GALNT2: variants seen among roughly 807,000 people sequenced by gnomAD.
GALNT2 encodes UDP-GalNAc:polypeptide N-acetylgalactosaminyltransferase 2.
GALNT2 carries 31 observed loss-of-function variants against 81.4 expected under a neutral mutation model. The observed-to-expected ratio is 0.38, with a 90% CI of 0.29 to 0.51. The LOEUF (loss-of-function observed/expected upper bound fraction) is 0.51, where lower values mean the gene tolerates loss of function less well. Ranked by LOEUF, GALNT2 falls within the 20% of genes least tolerant of loss-of-function variation. The pLI is 0.87. For missense variants in GALNT2, 629 were observed against 765.7 expected (o/e 0.82, Z 2.11); for synonymous variants, 303 against 287.4 (o/e 1.05, Z -0.55).
At chr1:230,175,343 A>G (rs1238751465) in intron 1 of GALNT2, among the ~76,000 whole-genome samples, 2 of 152,238 alleles carry the variant, frequency 1.3e-5, no homozygotes, top group Non-Finnish European at 2.9e-5. Context: ...CATAAACTCC[A>G]GCCCTGAGCT....
intron 1 of GALNT2, among the ~76,000 whole-genome samples, chr1:230,107,587 ATTCTC>A (rs1660577152): frequency 7.2e-6 from 1 of 138,694 alleles, no homozygotes; most frequent in African/African-American, 2.6e-5. Context: ...AAAAAAAAAA[ATTCTC>A]ATTTCTTCTC....
Position 230,279,435 on chromosome 1 carries a change from T to C in GALNT2, c.1693T>C (p.Phe565Leu). Residue 565 changes from phenylalanine (F) to leucine (L), a missense_variant, in exon 16 of 16, where the codon TTC (phenylalanine) becomes CTC (leucine). Physicochemically the swap from Phe to Leu is conservative, Grantham distance 22. Coordinates refer to ENST00000366672, the MANE Select transcript of GALNT2 (RefSeq NM_004481.5). The surrounding 1 kb of genome is among the most constrained non-coding windows in gnomAD (Gnocchi z 4.6). ...CCCGGCCCTTTCGCAGCAGTGGAAG[T>C]TCACGCTCAACCTGCAGCAGTAGGA... ...CGPALSQQWK[F>L]TLNLQQ 2.5e-6 allele frequency: 4 copies of C among 1,614,032 alleles called. No individual in the cohort carries two copies. The highest frequency in any genetic ancestry group is 3.4e-6 in the Non-Finnish European group (4 of 1,179,974).
intron 1 of GALNT2, among the ~76,000 whole-genome samples, chr1:230,109,148 G>A (rs541441212): frequency 2.6e-5 from 4 of 152,372 alleles, no homozygotes; most frequent in East Asian, 1.9e-4. Flanking sequence ...TCCCCTGGGC[G>A]TTGGAAGGCT....
At chr1:230,185,591 A>G (rs1473371741) in intron 2 of GALNT2, among the ~76,000 whole-genome samples, 1 of 152,116 alleles carries the variant, frequency 6.6e-6, no homozygotes, top group Non-Finnish European at 1.5e-5. Context: ...TGTTCCTCAG[A>G]TTGGACAGGC....
At position 230,262,938 on chromosome 1, in the gene GALNT2, G is replaced by C. The variant is rs1275099915; in HGVS notation, c.1246G>C (p.Glu416Gln). Residue 416 changes from glutamate to glutamine, a missense_variant, in exon 13 of 16, where the codon GAG becomes CAG. Coordinates refer to ENST00000366672, the MANE Select transcript of GALNT2 (RefSeq NM_004481.5). ...CTTCTCCAGTATTCAGAGCAGATTG[G>C]AGCTTAGGAAGAAACTCAGCTGCAA... is the stretch of plus-strand genomic sequence containing the variant. ...VPYGNIQSRLELRKKLSCKPF... is the reference protein window; with the variant it reads ...VPYGNIQSRLQLRKKLSCKPF... The C allele has an allele frequency of 6.2e-7, 1 of 1,614,034 alleles. No homozygotes were observed. Among genetic ancestry groups the C allele is most frequent in the Non-Finnish European group, 8.5e-7 (1 of 1,179,858 alleles).
intron 2 of GALNT2, among the ~76,000 whole-genome samples, chr1:230,197,764 G>GCATGCGTGCGTA (rs374085406): frequency 2.6e-5 from 4 of 152,092 alleles, no homozygotes; most frequent in Non-Finnish European, 5.9e-5. Flanking sequence ...GTGTGTGTGT[G>GCATGCGTGCGTA]CATGCGTGCG....
intron 1 of GALNT2, among the ~76,000 whole-genome samples, chr1:230,134,059 T>C (rs1661456213): frequency 6.6e-6 from 1 of 152,102 alleles, no homozygotes; most frequent in African/African-American, 2.4e-5. Context: ...ATTACTCTGA[T>C]ACTTGGTTGG....
chr1:230,265,216 AG>A, intron 13 of GALNT2, 24 bp from the exon 14 acceptor site: 1 of 1,614,090 alleles, frequency 6.2e-7, no homozygotes. Context: ...GCAGTGAAGC[AG>A]GTGATTCTCA....
intron 2 of GALNT2, among the ~76,000 whole-genome samples, chr1:230,185,614 T>G (rs949606988): frequency 1.3e-4 from 20 of 152,346 alleles, no homozygotes; most frequent in African/African-American, 3.6e-4. Context: ...TGATAAATGC[T>G]AGCAGTTTAG....
At chr1:230,236,804 C>A in intron 6 of GALNT2, 79 bp downstream of exon 6, 1 of 1,387,868 alleles carries the variant, frequency 7.2e-7, no homozygotes, top group Non-Finnish European at 9.9e-7. Flanking sequence ...TGCTTTAGCT[C>A]AAAGAGCAAT....
Position 230,276,018 on chromosome 1 carries a change from AC to A in GALNT2, c.1560+1455del, listed in dbSNP as rs1455690365. 2.2e-3 allele frequency among the ~76,000 whole-genome samples: 154 copies of A among 68,550 alleles called. 3 individuals are homozygous for A. The highest frequency in any genetic ancestry group is 5.2e-3 in the African/African-American group (57 of 10,888). The allele number at this position is 68,550 out of a possible 152,430, so 45.0% of individuals were successfully genotyped here. A position where few individuals can be genotyped will look rare whatever the true frequency, so the allele number is the denominator to read the frequency against. On this transcript the variant is annotated intron_variant, in intron 15 of 15. Coordinates refer to ENST00000366672, the MANE Select transcript of GALNT2 (RefSeq NM_004481.5). Reference sequence around the variant, plus strand: ...ATGCCACATATATATACGTATATATACATGCCACATATATATACGTATATAC... The same window carrying A: ...ATGCCACATATATATACGTATATATAATGCCACATATATATACGTATATAC...
In GALNT2 at chr1:230,279,413, G is replaced by A. The variant is rs751626544; in HGVS notation, c.1671G>A (p.Pro557=). The A allele has an allele frequency of 9.3e-6, 15 of 1,614,144 alleles. No individual in the cohort carries two copies. In the East Asian group the frequency reaches 2.5e-4, roughly 26 times the overall value. ...SGGLSVEVCG[P]ALSQQWKFTL... is the part of the protein sequence containing the mutation. ...GCCTAAGCGTGGAGGTGTGTGGCCC[G>A]GCCCTTTCGCAGCAGTGGAAGTTCA... Residue 557 remains proline (P), a synonymous_variant, in exon 16 of 16, where the codon CCG becomes CCA. Transcript: ENST00000366672. The surrounding 1 kb of genome is among the most constrained non-coding windows in gnomAD (Gnocchi z 4.6).
At chr1:230,088,094 C>G (rs1370530093) in intron 1 of GALNT2, among the ~76,000 whole-genome samples, 1 of 151,894 alleles carries the variant, frequency 6.6e-6, no homozygotes, top group East Asian at 1.9e-4. Flanking sequence ...AATGTTTTTG[C>G]TTTATTTAAC....
chr1:230,138,644 G>C (rs1661631412), intron 1 of GALNT2, among the ~76,000 whole-genome samples: 1 of 152,072 alleles, frequency 6.6e-6, no homozygotes, highest in South Asian at 2.1e-4. Flanking sequence ...TGCTAAATAA[G>C]AGGTGGGCTT....
intron 15 of GALNT2, among the ~76,000 whole-genome samples, chr1:230,278,850 C>G (rs1448381586): frequency 1.3e-5 from 2 of 152,232 alleles, no homozygotes; most frequent in African/African-American, 4.8e-5. Flanking sequence ...GTGCCCAGAC[C>G]AAGGCCTCCA....
intron 3 of GALNT2, among the ~76,000 whole-genome samples, chr1:230,207,465 T>C (rs191938823): frequency 1.3e-5 from 2 of 152,170 alleles, no homozygotes; most frequent in Non-Finnish European, 2.9e-5. Context: ...GATGTATATA[T>C]TGTACCAAGA....
At chr1:230,084,887 A>G (rs1238807983) in intron 1 of GALNT2, among the ~76,000 whole-genome samples, 1 of 152,118 alleles carries the variant, frequency 6.6e-6, no homozygotes, top group Non-Finnish European at 1.5e-5. Context: ...CAGGGTGAAC[A>G]TGGGATTAGG....
intron 1 of GALNT2, among the ~76,000 whole-genome samples, chr1:230,061,772 G>A (rs1407995700): frequency 6.6e-6 from 1 of 152,058 alleles, no homozygotes; most frequent in Non-Finnish European, 1.5e-5. Context: ...CCACTATTGT[G>A]TATGTGAGTG....
At chr1:230,089,221 A>T (rs1659987553) in intron 1 of GALNT2, among the ~76,000 whole-genome samples, 1 of 146,272 alleles carries the variant, frequency 6.8e-6, no homozygotes, top group African/African-American at 2.6e-5. Flanking sequence ...ATCTCGCCTC[A>T]CAGCAACCTC....
Sources: allele counts gnomAD v4.1 joint callset (sites outside exome capture counted in the v4.1 genomes callset), GRCh38; gene constraint gnomAD v4.1.1; non-coding constraint Gnocchi (gnomAD v3.1); transcripts MANE v1.5; gene names NCBI Gene and HGNC (gene_info 2026-07-23, HGNC 2026-07-21).